The following MAF variants were observed in gnomAD, a reference collection of about 807,000 sequenced individuals.
The protein encoded by MAF is MAF bZIP transcription factor.
A neutral mutation model predicts 22.0 loss-of-function variants in MAF; 10 were observed. The ratio of observed to expected loss-of-function variants is 0.45; its 90% CI spans 0.28 to 0.77. MAF has a LOEUF of 0.77. Ranked by LOEUF, MAF falls within the 30% of genes least tolerant of loss-of-function variation. The pLI, the probability that MAF is intolerant of heterozygous loss-of-function variation, is 0.12. For synonymous variants in MAF, 337 were observed against 255.8 expected, an observed-to-expected ratio of 1.32 and a Z score of -3.03; for missense variants, 544 against 548.4, an observed-to-expected ratio of 0.99 and a Z score of 0.08.
chr16:79,508,327 A>T, the MAF span, among the ~76,000 whole-genome samples: 283 of 152,298 alleles, frequency 1.9e-3, no homozygotes, highest in Non-Finnish European at 3.0e-3. Flanking sequence ...GGAGGTAGGC[A>T]GCAGAGTGAA....
chr16:79,546,896 A>T, the MAF span, among the ~76,000 whole-genome samples: 1 of 152,210 alleles, frequency 6.6e-6, no homozygotes, highest in Non-Finnish European at 1.5e-5. Flanking sequence ...GAAACTAATT[A>T]AGGAGGAATC....
chr16:79,356,294 T>G, the MAF span, among the ~76,000 whole-genome samples: 3 of 152,170 alleles, frequency 2.0e-5, no homozygotes, highest in Non-Finnish European at 4.4e-5. Flanking sequence ...CAGTTTTTCT[T>G]GCAAGCTCTC....
the MAF span, among the ~76,000 whole-genome samples, chr16:79,379,588 T>C: frequency 1.3e-5 from 2 of 152,196 alleles, no homozygotes; most frequent in Non-Finnish European, 2.9e-5. Flanking sequence ...TAATTCTATA[T>C]GAAACTGTGT....
the MAF span, among the ~76,000 whole-genome samples, chr16:79,300,683 A>G: frequency 0.044 from 6,512 of 148,168 alleles, 486 homozygotes; most frequent in African/African-American, 0.16. Flanking sequence ...AACCAAAAAC[A>G]ACCCATTTCT....
chr16:79,521,428 T>A, the MAF span, among the ~76,000 whole-genome samples: 1 of 152,182 alleles, frequency 6.6e-6, no homozygotes, highest in South Asian at 2.1e-4. Context: ...AAGGGAAAAG[T>A]TCGCACTCAG....
At chr16:79,387,821 G>T in the MAF span, among the ~76,000 whole-genome samples, 2 of 152,130 alleles carry the variant, frequency 1.3e-5, no homozygotes, top group African/African-American at 4.8e-5. Flanking sequence ...GATTAGAAAA[G>T]ACTAACTTCA....
At chr16:79,476,419 A>G in the MAF span, among the ~76,000 whole-genome samples, 1 of 152,232 alleles carries the variant, frequency 6.6e-6, no homozygotes, top group East Asian at 1.9e-4. Flanking sequence ...TACTTTACAT[A>G]TGTTTAAATT....
At chr16:79,212,216 C>CAAGT in the MAF span, 5 of 1,418,914 alleles carry the variant, frequency 3.5e-6, no homozygotes, top group South Asian at 3.0e-5. Context: ...GAAGAAAAAG[C>CAAGT]AAGTGTTCAC....
chr16:79,371,717 C>G, the MAF span, among the ~76,000 whole-genome samples: 243 of 152,332 alleles, frequency 1.6e-3, 4 homozygotes, highest in African/African-American at 5.5e-3. Flanking sequence ...TCTTTGCTAA[C>G]TACCCCAGCA....
At chr16:79,563,784 C>A in the MAF span, among the ~76,000 whole-genome samples, 1 of 151,918 alleles carries the variant, frequency 6.6e-6, no homozygotes, top group Non-Finnish European at 1.5e-5. Flanking sequence ...CGTGTGACCA[C>A]TGAGATGTTC....
the MAF span, among the ~76,000 whole-genome samples, chr16:79,391,718 A>C: frequency 3.3e-5 from 5 of 152,166 alleles, no homozygotes; most frequent in African/African-American, 9.7e-5. Context: ...AGGAAGAATG[A>C]AATGGAAATG....
At chr16:79,451,704 A>G in the MAF span, among the ~76,000 whole-genome samples, 1 of 152,268 alleles carries the variant, frequency 6.6e-6, no homozygotes, top group African/African-American at 2.4e-5. Context: ...CTCATTGAAA[A>G]AAAATACCCA....
the MAF span, among the ~76,000 whole-genome samples, chr16:79,399,937 C>A: frequency 6.6e-6 from 1 of 152,288 alleles, no homozygotes; most frequent in East Asian, 1.9e-4. Context: ...GGGTTAGTAC[C>A]TGCCCAAATG....
At chr16:79,534,781 G>A in the MAF span, among the ~76,000 whole-genome samples, 2 of 152,252 alleles carry the variant, frequency 1.3e-5, no homozygotes, top group Non-Finnish European at 2.9e-5. Flanking sequence ...CCAGTTGTCA[G>A]GCACACCCTC....
the MAF span, among the ~76,000 whole-genome samples, chr16:79,429,095 C>G: frequency 6.6e-6 from 1 of 152,116 alleles, no homozygotes; most frequent in Non-Finnish European, 1.5e-5. Flanking sequence ...GAGGTAATTA[C>G]GTTGGGAGCA....
the MAF span, among the ~76,000 whole-genome samples, chr16:79,527,693 G>C: frequency 4.6e-5 from 7 of 152,160 alleles, no homozygotes; most frequent in Non-Finnish European, 7.3e-5. Flanking sequence ...TGAAGCTTGT[G>C]AGGGTGTGGG....
chr16:79,580,775 T>G, the MAF span, among the ~76,000 whole-genome samples: 1 of 151,806 alleles, frequency 6.6e-6, no homozygotes, highest in Non-Finnish European at 1.5e-5. Flanking sequence ...ATTTTCATTC[T>G]ACTAGGTAAT....
At chr16:79,352,613 T>C in the MAF span, among the ~76,000 whole-genome samples, 1 of 152,250 alleles carries the variant, frequency 6.6e-6, no homozygotes, top group South Asian at 2.1e-4. Flanking sequence ...ATTTAACCAA[T>C]GAAGAACCAA....
chr16:79,514,014 A>T, the MAF span, among the ~76,000 whole-genome samples: 1 of 152,218 alleles, frequency 6.6e-6, no homozygotes. Flanking sequence ...CAAAAGAGGA[A>T]CATTTAATAT....
Sources: gnomAD v4.1 joint callset for allele counts (sites outside exome capture counted in the v4.1 genomes callset) on GRCh38, gnomAD v4.1.1 for gene constraint, MANE v1.5 for transcripts, NCBI Gene and HGNC (gene_info 2026-07-23, HGNC 2026-07-21) for gene names.